EML6: variants seen among roughly 807,000 people sequenced by gnomAD.
The protein encoded by EML6 is echinoderm microtubule-associated protein-like 6.
Under a neutral mutation model 240.1 loss-of-function variants are expected in EML6, and 154 were observed. The ratio of observed to expected loss-of-function variants is 0.64; its 90% CI spans 0.56 to 0.73. EML6 has a LOEUF of 0.73. Among genes scored for constraint, EML6 ranks in the 30% least tolerant of loss-of-function variants. The pLI is 0.00. For synonymous variants in EML6, 1,148 were observed against 899.0 expected (o/e 1.28, Z -4.95); for missense variants, 2,964 against 2,474.6 (o/e 1.20, Z -4.20).
chr2:54,808,346 G>A (rs942795250), intron 2 of EML6, among the ~76,000 whole-genome samples: 1 of 152,142 alleles, frequency 6.6e-6, no homozygotes, highest in African/African-American at 2.4e-5. Context: ...CATCCACTGA[G>A]GTTGGGTCAC....
At chr2:54,825,627 C>G (rs1358616379) in intron 5 of EML6, among the ~76,000 whole-genome samples, 1 of 152,124 alleles carries the variant, frequency 6.6e-6, no homozygotes, top group African/African-American at 2.4e-5. Context: ...AATGAGTTAC[C>G]AGAGCTGATA....
chr2:54,883,046 CTTTGTTTTTTAA>C (rs6146772), intron 17 of EML6, among the ~76,000 whole-genome samples: 21,166 of 151,158 alleles, frequency 0.14, 1,896 homozygotes, highest in South Asian at 0.27. Context: ...TTCTTTTTCA[CTTTGTTTTTTAA>C]AATAACACTT....
chr2:54,860,171 C>A (rs1196275708), intron 12 of EML6, among the ~76,000 whole-genome samples: 1 of 152,202 alleles, frequency 6.6e-6, no homozygotes, highest in Non-Finnish European at 1.5e-5. Context: ...GGAATCCCCA[C>A]CACCCAACCT....
intron 2 of EML6, among the ~76,000 whole-genome samples, chr2:54,780,320 A>G (rs1214337600): frequency 6.6e-6 from 1 of 152,244 alleles, no homozygotes; most frequent in Non-Finnish European, 1.5e-5. Context: ...AGATTGTTCA[A>G]AAATCAGAGT....
At chr2:54,857,686 T>C (rs974887178) in intron 11 of EML6, among the ~76,000 whole-genome samples, 8 of 152,316 alleles carry the variant, frequency 5.3e-5, no homozygotes, top group African/African-American at 1.7e-4. Context: ...TGTTGTGGTT[T>C]CATTTGACTT....
chr2:54,966,201 G>A (rs750117481), intron 38 of EML6, among the ~76,000 whole-genome samples: 2 of 152,184 alleles, frequency 1.3e-5, no homozygotes, highest in Non-Finnish European at 2.9e-5. Flanking sequence ...ACAGCATTCC[G>A]GGGAGCATGT....
At chr2:54,887,103 T>G (rs184376690) in intron 17 of EML6, among the ~76,000 whole-genome samples, 2 of 152,254 alleles carry the variant, frequency 1.3e-5, no homozygotes, top group African/African-American at 4.8e-5. Context: ...CACCACCCTT[T>G]TGTACACTAC....
chr2:54,944,776 A>T (rs1675595918), intron 28 of EML6, among the ~76,000 whole-genome samples: 1 of 152,080 alleles, frequency 6.6e-6, no homozygotes, highest in Admixed American at 6.5e-5. Flanking sequence ...GTATCTCTGT[A>T]CATGATTCTG....
intron 2 of EML6, among the ~76,000 whole-genome samples, chr2:54,806,612 C>CAAAAAAAAAAAAAAAAAAAAAAAAAAA (rs58185994): frequency 2.6e-4 from 14 of 52,864 alleles, no homozygotes; most frequent in Non-Finnish European, 3.7e-4. Flanking sequence ...ACTCCGTCTC[C>CAAAAAAAAAAAAAAAAAAAAAAAAAAA]AAAAAAAAAA....
At chr2:54,895,220 C>CTA in intron 20 of EML6, 53 bp from the exon 21 acceptor site, 2 of 1,540,828 alleles carry the variant, frequency 1.3e-6, no homozygotes. Context: ...TGAATTTATA[C>CTA]TAATAAGCAG....
intron 17 of EML6, among the ~76,000 whole-genome samples, chr2:54,885,213 G>A (rs1180983727): frequency 6.6e-6 from 1 of 152,084 alleles, no homozygotes; most frequent in Non-Finnish European, 1.5e-5. Flanking sequence ...GGGAGGTTGA[G>A]GCGGGCGGAT....
intron 21 of EML6, among the ~76,000 whole-genome samples, chr2:54,896,017 C>G (rs979069372): frequency 2.0e-5 from 3 of 152,204 alleles, no homozygotes; most frequent in African/African-American, 7.2e-5. Flanking sequence ...TCATACCACA[C>G]TCAAAGGGAG....
chr2:54,859,776 C>A, intron 12 of EML6, 75 bp downstream of exon 12: 1 of 1,274,334 alleles, frequency 7.8e-7, no homozygotes, highest in Non-Finnish European at 1.0e-6. Context: ...AACATGTATT[C>A]TATAGGTAAA....
At chr2:54,740,105 A>T (rs1457566747) in intron 2 of EML6, among the ~76,000 whole-genome samples, 2 of 152,076 alleles carry the variant, frequency 1.3e-5, no homozygotes, top group Non-Finnish European at 2.9e-5. Flanking sequence ...ACATATTTAG[A>T]TTGAGGTGTC....
intron 19 of EML6, among the ~76,000 whole-genome samples, chr2:54,893,870 A>G (rs373946477): frequency 1.3e-5 from 2 of 152,132 alleles, no homozygotes; most frequent in African/African-American, 2.4e-5. Flanking sequence ...TTATTGGTAC[A>G]TATGTTTTTG....
chr2:54,940,285 C>G (rs1268828566), intron 28 of EML6, among the ~76,000 whole-genome samples: 2 of 152,096 alleles, frequency 1.3e-5, no homozygotes, highest in Non-Finnish European at 2.9e-5. Context: ...GGTTTATGAA[C>G]TGAAACAAAA....
intron 7 of EML6, among the ~76,000 whole-genome samples, chr2:54,835,160 C>T (rs944765500): frequency 2.6e-5 from 4 of 152,350 alleles, no homozygotes. Flanking sequence ...TCTAGAATTG[C>T]AACTCATTCT....
At chr2:54,777,399 TA>T (rs940222278) in intron 2 of EML6, among the ~76,000 whole-genome samples, 3 of 152,220 alleles carry the variant, frequency 2.0e-5, no homozygotes, top group African/African-American at 7.2e-5. Flanking sequence ...GCTCACTTTT[TA>T]TTGCAGGCTT....
chr2:54,923,367 GCACACACACACACA>G (rs113101367), intron 26 of EML6, among the ~76,000 whole-genome samples: 24 of 144,460 alleles, frequency 1.7e-4, no homozygotes, highest in African/African-American at 5.1e-4. Flanking sequence ...CTCACCAAAC[GCACACACACACACA>G]CACACACACA....
Sources: allele counts gnomAD v4.1 joint callset (sites outside exome capture counted in the v4.1 genomes callset), GRCh38; gene constraint gnomAD v4.1.1; transcripts MANE v1.5; gene names NCBI Gene and HGNC (gene_info 2026-07-23, HGNC 2026-07-21).